EYA3: variants seen among roughly 807,000 people sequenced by gnomAD.
EYA3 encodes EYA transcriptional coactivator and phosphatase 3.
Under a neutral mutation model 80.0 loss-of-function variants are expected in EYA3, and 39 were observed. The observed-to-expected ratio is 0.49, with a 90% CI of 0.38 to 0.64. The LOEUF is 0.64. EYA3 is among the 30% of genes least tolerant of loss of function. The pLI, the probability that EYA3 is intolerant of heterozygous loss-of-function variation, is 0.00. For missense variants in EYA3, 523 were observed against 676.1 expected, an observed-to-expected ratio of 0.77 and a Z score of 2.51; for synonymous variants, 206 against 232.8, an observed-to-expected ratio of 0.88 and a Z score of 1.05.
chr1:28,065,063 C>A (rs1393013263), intron 1 of EYA3, among the ~76,000 whole-genome samples: 1 of 152,194 alleles, frequency 6.6e-6, no homozygotes, highest in East Asian at 1.9e-4. Flanking sequence ...GGATACACTG[C>A]AAGACCCCCA....
intron 17 of EYA3, 42 bp downstream of exon 17, chr1:27,978,332 C>T (rs772486394): frequency 8.5e-6 from 12 of 1,416,728 alleles, no homozygotes; most frequent in African/African-American, 5.7e-5. Context: ...TCTCATTACT[C>T]GATGTACAAC....
chr1:28,073,998 G>C (rs887667787), intron 1 of EYA3, among the ~76,000 whole-genome samples: 15 of 151,954 alleles, frequency 9.9e-5, no homozygotes, highest in Non-Finnish European at 2.9e-5. Flanking sequence ...AACATAGTTG[G>C]AACAATAAAT....
chr1:27,989,932 T>TATA (rs576917826), intron 14 of EYA3, 121 bp from the exon 15 acceptor site: 10 of 473,526 alleles, frequency 2.1e-5, no homozygotes, highest in African/African-American at 1.0e-4. Flanking sequence ...CTGAGTATGT[T>TATA]TATATATATA....
chr1:28,015,314 C>G (rs1361434578), intron 8 of EYA3, among the ~76,000 whole-genome samples: 2 of 152,144 alleles, frequency 1.3e-5, no homozygotes, highest in African/African-American at 4.8e-5. Flanking sequence ...CCTCTGTAGG[C>G]CTGAATGATT....
At chr1:28,085,051 A>C (rs111401390) in intron 1 of EYA3, among the ~76,000 whole-genome samples, 5 of 152,332 alleles carry the variant, frequency 3.3e-5, no homozygotes, top group African/African-American at 1.2e-4. Context: ...AAAACAAAAT[A>C]AATGAAGTCA....
intron 10 of EYA3, among the ~76,000 whole-genome samples, chr1:28,008,129 T>C (rs1200690754): frequency 2.0e-5 from 3 of 152,174 alleles, no homozygotes; most frequent in African/African-American, 7.2e-5. Context: ...TACCTTCTTT[T>C]AGTATTTAAC....
chr1:28,059,865 C>T (rs1244024377), intron 1 of EYA3, among the ~76,000 whole-genome samples: 3 of 151,874 alleles, frequency 2.0e-5, no homozygotes, highest in Non-Finnish European at 2.9e-5. Flanking sequence ...GGACTACAGG[C>T]GCGCCACCAT....
intron 6 of EYA3, among the ~76,000 whole-genome samples, chr1:28,034,380 A>T (rs1263101248): frequency 6.6e-6 from 1 of 152,188 alleles, no homozygotes; most frequent in East Asian, 1.9e-4. Flanking sequence ...AAAGAAATAA[A>T]CACAAACATA....
intron 1 of EYA3, among the ~76,000 whole-genome samples, chr1:28,084,263 C>A (rs931677978): frequency 7.2e-5 from 11 of 151,852 alleles, no homozygotes; most frequent in Non-Finnish European, 1.6e-4. Context: ...GCCTAAATTA[C>A]TTCTACATTT....
chr1:28,087,949 C>G (rs1645725233), intron 1 of EYA3, among the ~76,000 whole-genome samples: 1 of 152,180 alleles, frequency 6.6e-6, no homozygotes, highest in Non-Finnish European at 1.5e-5. Context: ...GAAGTCTTCC[C>G]ATTTCGGGGC....
intron 16 of EYA3, among the ~76,000 whole-genome samples, chr1:27,980,064 G>C (rs780919530): frequency 6.6e-6 from 1 of 152,092 alleles, no homozygotes; most frequent in Non-Finnish European, 1.5e-5. Flanking sequence ...AGGTGCACTT[G>C]GGTCTCTTTT....
chr1:28,055,107 A>G (rs1280284680), intron 2 of EYA3, among the ~76,000 whole-genome samples: 1 of 152,226 alleles, frequency 6.6e-6, no homozygotes, highest in Non-Finnish European at 1.5e-5. Flanking sequence ...GATTTAGGCT[A>G]TAAATAGGTA....
At chr1:28,077,390 G>A (rs554760570) in intron 1 of EYA3, among the ~76,000 whole-genome samples, 15 of 152,182 alleles carry the variant, frequency 9.9e-5, no homozygotes, top group Non-Finnish European at 2.1e-4. Context: ...ATAGGCATGA[G>A]CCACCGTGCT....
Position 28,034,870 on chromosome 1 carries a change from A to AG in EYA3, c.361+673dup, listed in dbSNP as rs376371220. Among the ~76,000 whole-genome samples, 396 of 152,290 alleles carry AG rather than the reference A, an allele frequency of 2.6e-3. 1 individual carries two copies. Among genetic ancestry groups the AG allele is most frequent in the African/African-American group, 8.7e-3 (363 of 41,562 alleles). ...TTTCTGGCACCCATTTCAGGAAAGC[A>AG]GGGAAGGAGCAATGAAGCACACTGC... On this transcript the variant is annotated intron_variant, in intron 6 of 17. Transcript: ENST00000373871.
intron 4 of EYA3, among the ~76,000 whole-genome samples, chr1:28,039,919 A>C (rs1226839277): frequency 6.6e-6 from 1 of 152,238 alleles, no homozygotes; most frequent in African/African-American, 2.4e-5. Context: ...ATGTAAGGTA[A>C]GTTTATTTGA....
At chr1:28,061,456 T>C (rs1408592764) in intron 1 of EYA3, among the ~76,000 whole-genome samples, 3 of 152,184 alleles carry the variant, frequency 2.0e-5, no homozygotes, top group Non-Finnish European at 2.9e-5. Context: ...CAATCAAAAG[T>C]CATACTTACT....
chr1:28,044,166 C>T (rs1643917173), intron 3 of EYA3, among the ~76,000 whole-genome samples: 1 of 152,194 alleles, frequency 6.6e-6, no homozygotes. Flanking sequence ...AATGTTCTCT[C>T]TTTTCCATCT....
At chr1:28,036,112 G>C (rs1336441176) in intron 5 of EYA3, among the ~76,000 whole-genome samples, 1 of 152,182 alleles carries the variant, frequency 6.6e-6, no homozygotes, top group Non-Finnish European at 1.5e-5. Context: ...ACTGCGCCCG[G>C]CCTAAAATGG....
chr1:27,990,252 G>T, intron 14 of EYA3: 2 of 184,374 alleles, frequency 1.1e-5, no homozygotes, highest in South Asian at 1.4e-4. Flanking sequence ...GCACAGGCCT[G>T]CGCCCCGGTC....
Sources: gnomAD v4.1 joint callset for allele counts (sites outside exome capture counted in the v4.1 genomes callset) on GRCh38, gnomAD v4.1.1 for gene constraint, MANE v1.5 for transcripts, NCBI Gene and HGNC (gene_info 2026-07-23, HGNC 2026-07-21) for gene names.